Variants in SLC39A11 observed in about 807,000 individuals in gnomAD.
SLC39A11 encodes solute carrier family 39 member 11.
SLC39A11 carries 33 observed loss-of-function variants against 36.1 expected under a neutral mutation model. The observed-to-expected ratio is 0.91, with a 90% confidence interval of 0.69 to 1.22. The LOEUF (loss-of-function observed/expected upper bound fraction) is 1.22, where lower values mean the gene tolerates loss of function less well. Among genes scored for constraint, SLC39A11 ranks in the 50% most tolerant of loss-of-function variants. The pLI is 0.00. For missense variants in SLC39A11, 432 were observed against 430.3 expected, an observed-to-expected ratio of 1.00 and a Z score of -0.03; for synonymous variants, 166 against 170.3, an observed-to-expected ratio of 0.97 and a Z score of 0.20.
intron 4 of SLC39A11, among the ~76,000 whole-genome samples, chr17:73,004,958 A>AC (rs1344307045): frequency 2.0e-5 from 3 of 152,000 alleles, no homozygotes; most frequent in Non-Finnish European, 4.4e-5. Context: ...CACCGACCTA[A>AC]CCCCCCAACA....
chr17:72,984,179 G>C (rs551398527), intron 4 of SLC39A11, among the ~76,000 whole-genome samples: 1 of 152,078 alleles, frequency 6.6e-6, no homozygotes, highest in Non-Finnish European at 1.5e-5. Context: ...AAAAAACCCA[G>C]CTCTTGCCCC....
intron 7 of SLC39A11, among the ~76,000 whole-genome samples, chr17:72,725,278 T>G (rs190773097): frequency 2.6e-5 from 4 of 152,254 alleles, no homozygotes; most frequent in Non-Finnish European, 4.4e-5. Context: ...ATCAAAAGCT[T>G]GGAGTAGCTT....
chr17:73,081,775 A>ATATATGTATATG (rs1599202179), intron 3 of SLC39A11, among the ~76,000 whole-genome samples: 1 of 150,310 alleles, frequency 6.7e-6, no homozygotes, highest in African/African-American at 2.4e-5. Context: ...ATACATATAT[A>ATATATGTATATG]TATCATGGAC....
chr17:72,909,785 G>T (rs1222029505), intron 5 of SLC39A11, among the ~76,000 whole-genome samples: 4 of 141,128 alleles, frequency 2.8e-5, no homozygotes, highest in African/African-American at 7.9e-5. Context: ...TCGCTCTGTT[G>T]CCCAGGCTGG....
chr17:72,965,684 C>T (rs1598628055), intron 4 of SLC39A11, among the ~76,000 whole-genome samples: 1 of 152,302 alleles, frequency 6.6e-6, no homozygotes, highest in East Asian at 1.9e-4. Flanking sequence ...TGTAATCCCA[C>T]TGTAAGTCAA....
chr17:72,988,658 G>T (rs941106801), intron 4 of SLC39A11, among the ~76,000 whole-genome samples: 1 of 151,854 alleles, frequency 6.6e-6, no homozygotes, highest in South Asian at 2.1e-4. Context: ...CTTGGCAACC[G>T]CAGTTCTACT....
At chr17:73,021,919 C>G (rs560015385) in intron 4 of SLC39A11, among the ~76,000 whole-genome samples, 1 of 152,376 alleles carries the variant, frequency 6.6e-6, no homozygotes, top group Admixed American at 6.5e-5. Context: ...AAGGAGTTCC[C>G]CTCAGCAAGC....
At chr17:72,672,570 C>G (rs1014094335) in intron 7 of SLC39A11, among the ~76,000 whole-genome samples, 4 of 152,154 alleles carry the variant, frequency 2.6e-5, no homozygotes, top group Non-Finnish European at 1.5e-5. Flanking sequence ...CCAAATATGG[C>G]CTACCTCCTG....
chr17:72,845,085 G>A (rs902797638), intron 6 of SLC39A11, among the ~76,000 whole-genome samples: 2 of 152,162 alleles, frequency 1.3e-5, no homozygotes, highest in Non-Finnish European at 2.9e-5. Context: ...TCTTTGATCT[G>A]GATTCTGCAG....
intron 4 of SLC39A11, among the ~76,000 whole-genome samples, chr17:72,957,170 C>G (rs997873831): frequency 3.9e-5 from 6 of 152,076 alleles, no homozygotes; most frequent in Non-Finnish European, 8.8e-5. Flanking sequence ...ATCACAGAGG[C>G]CAAAGCATCA....
intron 6 of SLC39A11, among the ~76,000 whole-genome samples, chr17:72,800,948 C>T (rs148831480): frequency 6.6e-6 from 1 of 152,234 alleles, no homozygotes; most frequent in East Asian, 1.9e-4. Context: ...AACTAATGTG[C>T]CATGCAATGG....
At chr17:72,692,517 G>A (rs2072083901) in intron 7 of SLC39A11, among the ~76,000 whole-genome samples, 1 of 152,150 alleles carries the variant, frequency 6.6e-6, no homozygotes, top group Non-Finnish European at 1.5e-5. Context: ...AAGAGAAAAT[G>A]AGGAAGAGGT....
At chr17:72,676,593 T>C (rs540634635) in intron 7 of SLC39A11, among the ~76,000 whole-genome samples, 2 of 152,272 alleles carry the variant, frequency 1.3e-5, no homozygotes, top group Non-Finnish European at 2.9e-5. Context: ...TCCTTAGAAA[T>C]GTCTGCTTAC....
intron 4 of SLC39A11, among the ~76,000 whole-genome samples, chr17:72,958,026 C>T (rs1283971516): frequency 1.3e-5 from 2 of 152,132 alleles, no homozygotes; most frequent in African/African-American, 2.4e-5. Context: ...ACACATAGAC[C>T]GATGGAACAG....
At chr17:73,038,464 C>T (rs2058997187) in intron 3 of SLC39A11, among the ~76,000 whole-genome samples, 1 of 150,682 alleles carries the variant, frequency 6.6e-6, no homozygotes, top group African/African-American at 2.4e-5. Flanking sequence ...TTTGAGAAGC[C>T]TAGGTGGGCG....
chr17:73,060,041 T>C (rs995607903), intron 3 of SLC39A11, among the ~76,000 whole-genome samples: 22 of 151,922 alleles, frequency 1.4e-4, no homozygotes, highest in African/African-American at 5.3e-4. Flanking sequence ...GAAACCTGTC[T>C]GTACTAAAAA....
At chr17:72,935,975 T>C (rs2084721696) in intron 5 of SLC39A11, among the ~76,000 whole-genome samples, 2 of 151,778 alleles carry the variant, frequency 1.3e-5, no homozygotes, top group South Asian at 4.2e-4. Context: ...GGCAGGGGGA[T>C]CGCTTGAGCT....
chr17:72,745,080 G>A (rs1568020331), intron 6 of SLC39A11, among the ~76,000 whole-genome samples: 2 of 152,308 alleles, frequency 1.3e-5, no homozygotes, highest in African/African-American at 4.8e-5. Context: ...GACCTCAAGC[G>A]ATCTGCCTGC....
At chr17:72,746,875 T>C (rs2074958928) in intron 6 of SLC39A11, among the ~76,000 whole-genome samples, 2 of 152,074 alleles carry the variant, frequency 1.3e-5, no homozygotes, top group Admixed American at 6.6e-5. Context: ...AGTGAGACCC[T>C]GTCTCTACCA....
Sources: allele counts gnomAD v4.1 joint callset (sites outside exome capture counted in the v4.1 genomes callset), GRCh38; gene constraint gnomAD v4.1.1; transcripts MANE v1.5; gene names NCBI Gene and HGNC (gene_info 2026-07-23, HGNC 2026-07-21).